Variants in DNAH7 observed in about 807,000 individuals in gnomAD.
DNAH7 encodes the protein dynein axonemal heavy chain 7, also known as axonemal beta dynein heavy chain 7.
Under a neutral mutation model 444.6 loss-of-function variants are expected in DNAH7, and 397 were observed. The observed-to-expected ratio is 0.89, with a 90% CI of 0.82 to 0.97. The LOEUF (loss-of-function observed/expected upper bound fraction) is 0.97. DNAH7 is among the 50% of genes least tolerant of loss of function. The pLI is 0.00. For missense variants in DNAH7, 4,902 were observed against 4,800.8 expected (o/e 1.02, Z -0.62); for synonymous variants, 1,636 against 1,624.4 (o/e 1.01, Z -0.17).
At chr2:195,905,573 G>A (rs531813666) in intron 27 of DNAH7, 3 of 152,116 alleles carry the variant, frequency 2.0e-5, no homozygotes, top group Non-Finnish European at 4.4e-5. Flanking sequence ...ATCTAGTCAG[G>A]AGATTTGGTT....
chr2:195,855,533 T>C (rs891174379), intron 45 of DNAH7, among the ~76,000 whole-genome samples: 1 of 151,998 alleles, frequency 6.6e-6, no homozygotes, highest in African/African-American at 2.4e-5. Context: ...AGAATAAATA[T>C]TTTAGTCTTT....
rs546748944 is a variant in DNAH7, at chr2:196,005,307, A to T, written c.990-3449T>A. 7.0e-3 allele frequency among the ~76,000 whole-genome samples: 1,034 copies of T among 148,112 alleles called. 10 individuals carry two copies. The highest frequency in any genetic ancestry group is 0.023 in the African/African-American group (936 of 40,026). Reference sequence around the variant, plus strand: ...ACAAACAAACAAACAAACAAACAAAAATATATATATATATATAACTAAACT... The same window carrying T: ...ACAAACAAACAAACAAACAAACAAATATATATATATATATATAACTAAACT... On this transcript the variant is annotated intron_variant, in intron 10 of 64. Transcript: ENST00000312428.
chr2:195,990,891 T>G (rs1438802161), intron 12 of DNAH7, among the ~76,000 whole-genome samples: 2 of 129,232 alleles, frequency 1.5e-5, no homozygotes, highest in Non-Finnish European at 3.2e-5. Flanking sequence ...ACATATATAC[T>G]TATATACATA....
At chr2:195,763,501 G>A (rs529001455) in intron 61 of DNAH7, among the ~76,000 whole-genome samples, 2 of 151,750 alleles carry the variant, frequency 1.3e-5, no homozygotes, top group African/African-American at 2.4e-5. Context: ...AAATAAAAGA[G>A]AGAAGACCCA....
At chr2:196,064,972 CAT>C (rs1189367304) in intron 1 of DNAH7, among the ~76,000 whole-genome samples, 1 of 152,088 alleles carries the variant, frequency 6.6e-6, no homozygotes, top group Non-Finnish European at 1.5e-5. Flanking sequence ...GTATATGTAA[CAT>C]AAATATATAT....
chr2:195,866,491 T>G (rs577010470), intron 40 of DNAH7, among the ~76,000 whole-genome samples: 105 of 152,366 alleles, frequency 6.9e-4, no homozygotes, highest in African/African-American at 2.4e-3. Flanking sequence ...TTGAGGTACT[T>G]AAGATCTCAG....
intron 47 of DNAH7, among the ~76,000 whole-genome samples, chr2:195,838,304 A>T (rs10174973): frequency 1.3e-5 from 2 of 151,940 alleles, no homozygotes; most frequent in Non-Finnish European, 2.9e-5. Flanking sequence ...CCAGGATGCA[A>T]TCCAAAATTA....
intron 46 of DNAH7, among the ~76,000 whole-genome samples, chr2:195,852,975 C>T (rs1246891072): frequency 6.6e-6 from 1 of 150,738 alleles, no homozygotes; most frequent in Admixed American, 6.6e-5. Context: ...TTTTACAGTA[C>T]TTGCTTAGGA....
At chr2:196,033,156 T>C (rs1696166546) in intron 5 of DNAH7, among the ~76,000 whole-genome samples, 2 of 152,200 alleles carry the variant, frequency 1.3e-5, no homozygotes, top group South Asian at 4.1e-4. Context: ...TATTTTTTCT[T>C]AATTATTTAA....
In DNAH7 at chr2:196,019,296, C is replaced by A; in HGVS notation, c.744-1G>T. The A allele has an allele frequency of 1.4e-6, 2 of 1,464,462 alleles. No individual in the cohort carries two copies. The highest frequency in any genetic ancestry group is 1.6e-5 in the South Asian group (1 of 63,876). The allele number at this position is 1,464,462 out of a possible 1,614,324, so 90.7% of individuals were successfully genotyped here. A position where few individuals can be genotyped will look rare whatever the true frequency, so the allele number is the denominator to read the frequency against. The stretch of plus-strand genomic sequence containing the variant: ...CCAAGGTTTTGGCAGAATTTCCATT[C>A]TGAAAACAAAGAAAATATTTAGTTA... On this transcript the variant is annotated splice_acceptor_variant, in intron 8 of 64. Transcript: ENST00000312428. LOFTEE classifies it high-confidence loss of function.
chr2:195,909,881 CT>C (rs1687253374), intron 25 of DNAH7, 145 bp downstream of exon 25: 5 of 815,402 alleles, frequency 6.1e-6, no homozygotes, highest in Non-Finnish European at 9.2e-6. Context: ...ACCTTATTTC[CT>C]TTAAGAATTA....
At chr2:195,996,422 C>G (rs1260333985) in intron 12 of DNAH7, among the ~76,000 whole-genome samples, 1 of 145,450 alleles carries the variant, frequency 6.9e-6, no homozygotes, top group Non-Finnish European at 1.5e-5. Context: ...CCTGAACCAA[C>G]TTAATCTTTT....
At position 196,036,047 on chromosome 2, in the gene DNAH7, TC is replaced by T. The variant is rs552224678; in HGVS notation, c.399-8001del. 2.3e-3 allele frequency among the ~76,000 whole-genome samples: 339 copies of T among 144,340 alleles called. 3 individuals carry two copies. The highest frequency in any genetic ancestry group is 7.6e-3 in the African/African-American group (303 of 39,614). 94.7% of individuals were successfully genotyped at this position (144,340 alleles called of 152,430 possible). A position where few individuals can be genotyped will look rare whatever the true frequency, so the allele number is the denominator to read the frequency against. ...ACATTCTTTTTTTTTTTTTTTTTTT[TC>T]CAGGCAGAGTTTCACTCTTGTTGCC... is the stretch of plus-strand genomic sequence containing the variant. On this transcript the variant is annotated intron_variant, in intron 5 of 64. Transcript: ENST00000312428.
chr2:195,796,790 C>A, intron 55 of DNAH7, 53 bp from the exon 56 acceptor site: 2 of 1,541,086 alleles, frequency 1.3e-6, no homozygotes, highest in East Asian at 2.3e-5. Context: ...TAAGAAACAT[C>A]AATATTGTTT....
chr2:196,004,788 A>T (rs1256239422), intron 10 of DNAH7, among the ~76,000 whole-genome samples: 6 of 131,610 alleles, frequency 4.6e-5, no homozygotes, highest in African/African-American at 1.9e-4. Context: ...TGTCTCACAC[A>T]CACACACACA....
chr2:195,864,968 G>T lies in DNAH7; in HGVS notation c.6687C>A (p.Leu2229=). Residue 2229 remains leucine, a synonymous_variant, in exon 41 of 65, where the codon CTC becomes CTA. Transcript: ENST00000312428. ...TCAAAATTTCTTGAATGTAGTTGAT[G>T]AGCCAGCTTCTGTCTGTATTGTCCA... ...RLLDNTDRSW[L]INYIQEILRN... The T allele has an allele frequency of 6.2e-7, 1 of 1,606,724 alleles. No individual in the cohort carries two copies. Among genetic ancestry groups the T allele is most frequent in the Non-Finnish European group, 8.5e-7 (1 of 1,179,934 alleles).
At chr2:195,966,355 T>C (rs1200658961) in intron 17 of DNAH7, among the ~76,000 whole-genome samples, 1 of 152,168 alleles carries the variant, frequency 6.6e-6, no homozygotes, top group Non-Finnish European at 1.5e-5. Context: ...TAAACCATGT[T>C]TTGTGACCTA....
At chr2:196,002,146 A>G (rs574747215) in intron 10 of DNAH7, among the ~76,000 whole-genome samples, 15 of 152,304 alleles carry the variant, frequency 9.8e-5, no homozygotes, top group African/African-American at 3.6e-4. Context: ...ATATAGAACT[A>G]ACTTTACTGG....
chr2:195,847,059 C>CATATATATAT (rs57926663), intron 46 of DNAH7, among the ~76,000 whole-genome samples: 1 of 139,694 alleles, frequency 7.2e-6, no homozygotes, highest in African/African-American at 2.7e-5. Context: ...TATAAACTCC[C>CATATATATAT]ATATATATAT....
Sources: gnomAD v4.1 joint callset for allele counts (sites outside exome capture counted in the v4.1 genomes callset) on GRCh38, gnomAD v4.1.1 for gene constraint, MANE v1.5 for transcripts, NCBI Gene and HGNC (gene_info 2026-07-23, HGNC 2026-07-21) for gene names.